KCNMB3: variants seen among roughly 807,000 people sequenced by gnomAD.
KCNMB3 encodes the protein calcium-activated potassium channel subunit beta-3.
Under a neutral mutation model 11.9 loss-of-function variants are expected in KCNMB3, and 18 were observed. The ratio of observed to expected loss-of-function variants is 1.51; its 90% CI spans 1.04 to 2.23. The LOEUF (loss-of-function observed/expected upper bound fraction) is 2.23, where lower values mean the gene tolerates loss of function less well. Ranked by LOEUF, KCNMB3 falls within the 30% of genes most tolerant of loss-of-function variation. The pLI, the probability that KCNMB3 is intolerant of heterozygous loss-of-function variation, is 0.00. For missense variants in KCNMB3, 247 were observed against 329.4 expected (o/e 0.75, Z 1.94); for synonymous variants, 78 against 119.2 (o/e 0.65, Z 2.25).
Position 179,259,048 on chromosome 3 carries a change from T to C in KCNMB3, c.62+7601A>G, listed in dbSNP as rs1408197061. 3.3e-5 allele frequency: 53 copies of C among 1,612,708 alleles called. 1 individual carries two copies. Among genetic ancestry groups the C allele is most frequent in the Non-Finnish European group, 2.5e-6 (3 of 1,179,506 alleles). On this transcript the variant is annotated intron_variant, in intron 1 of 3. Coordinates refer to the KCNMB3 transcript ENST00000349697. The stretch of plus-strand genomic sequence containing the variant: ...GACATGGTACGGTCTTCTTTGCTTT[T>C]GCCCTTCTCGTTCCCTCCTCTGGTA...
chr3:179,259,929 TC>T (rs1350401082), intron 1 of KCNMB3: 7 of 1,613,228 alleles, frequency 4.3e-6, no homozygotes, highest in Non-Finnish European at 5.9e-6. Flanking sequence ...TAATCCTTTT[TC>T]TTCACCCTCT....
chr3:179,258,868 A>G (rs1383236388), intron 1 of KCNMB3: 2 of 1,560,280 alleles, frequency 1.3e-6, no homozygotes, highest in African/African-American at 2.7e-5. Context: ...TCTACAAGTA[A>G]CAGTCTATAA....
rs1725584423 is a variant in KCNMB3 at position 179,244,856 on chromosome 3, C to T, written c.249-163G>A. Among the ~76,000 whole-genome samples the T allele has an allele frequency of 3.3e-5, 5 of 152,130 alleles. No homozygotes were observed. The South Asian group carries it at 1.0e-3, about 32-fold the overall frequency. ...ATCCTTACAGCAGGCACATAATAAACAGGGAGCATGGAAGACACAGAGTTG... is the reference window on the plus strand; with the variant it reads ...ATCCTTACAGCAGGCACATAATAAATAGGGAGCATGGAAGACACAGAGTTG... On this transcript the variant is annotated intron_variant, in intron 1 of 2. Coordinates refer to ENST00000392685, the MANE Select transcript of KCNMB3 (RefSeq NM_171830.2).
intron 1 of KCNMB3, chr3:179,260,032 T>A (rs1726151960): frequency 1.2e-6 from 2 of 1,612,300 alleles, no homozygotes; most frequent in Non-Finnish European, 1.7e-6. Context: ...TTCTCTAAAC[T>A]ATGCCCTATG....
At chr3:179,251,571 T>C, upstream of KCNMB3, 1 of 1,298,272 alleles carries the variant, frequency 7.7e-7, no homozygotes, top group Non-Finnish European at 9.7e-7. Flanking sequence ...CCACTGTGCC[T>C]GCAAACCTGC....
At chr3:179,251,136 T>C, upstream of KCNMB3, 6 of 1,614,114 alleles carry the variant, frequency 3.7e-6, no homozygotes, top group African/African-American at 1.3e-5. Context: ...TAATCAAGTA[T>C]TTTTAAAGAT....
chr3:179,243,379 A>G (rs1725528360), intron 2 of KCNMB3, 95 bp from the exon 3 acceptor site: 1 of 1,157,494 alleles, frequency 8.6e-7, no homozygotes, highest in South Asian at 1.4e-5. Context: ...GGCTGAAGTT[A>G]TTAGTGGGCA....
chr3:179,257,142 G>A (rs775421088), intron 1 of KCNMB3, among the ~76,000 whole-genome samples: 5 of 152,168 alleles, frequency 3.3e-5, no homozygotes, highest in Non-Finnish European at 4.4e-5. Flanking sequence ...CAGCCTCAGT[G>A]ATAGGTGAGA....
chr3:179,260,241 G>C (rs1338092709), intron 1 of KCNMB3: 2 of 1,613,900 alleles, frequency 1.2e-6, no homozygotes, highest in African/African-American at 1.3e-5. Flanking sequence ...GGGAGTTCTG[G>C]TCCTGTCATC....
chr3:179,264,596 G>A (rs1004765540), intron 1 of KCNMB3, among the ~76,000 whole-genome samples: 3 of 152,150 alleles, frequency 2.0e-5, no homozygotes, highest in Non-Finnish European at 4.4e-5. Context: ...ACGACACATG[G>A]CTACAGGCAG....
intron 1 of KCNMB3, chr3:179,260,578 G>A: frequency 6.5e-7 from 1 of 1,542,224 alleles, no homozygotes; most frequent in South Asian, 1.2e-5. Flanking sequence ...CTGTCGACTT[G>A]AGGGCATTTA....
chr3:179,255,768 T>C (rs1010462833), upstream of KCNMB3, among the ~76,000 whole-genome samples: 1 of 152,190 alleles, frequency 6.6e-6, no homozygotes, highest in Non-Finnish European at 1.5e-5. Context: ...ATCACAGATA[T>C]ATTGCACAGC....
At chr3:179,251,704 C>A, upstream of KCNMB3, 1 of 1,173,414 alleles carries the variant, frequency 8.5e-7, no homozygotes. Flanking sequence ...TTTGTTTGGC[C>A]TTCTCTGTCG....
chr3:179,262,645 C>T (rs187544987), intron 1 of KCNMB3, among the ~76,000 whole-genome samples: 94 of 152,286 alleles, frequency 6.2e-4, no homozygotes, highest in Non-Finnish European at 1.1e-3. Flanking sequence ...GTCCATTTTA[C>T]AGAGAGCCGA....
chr3:179,261,073 G>C (rs1560161428), intron 1 of KCNMB3: 4 of 1,098,998 alleles, frequency 3.6e-6, no homozygotes, highest in Admixed American at 1.8e-5. Flanking sequence ...GGCCCAGCAT[G>C]TTACGAGACC....
At chr3:179,257,376 A>AAATAATTT (rs1726044887) in intron 1 of KCNMB3, among the ~76,000 whole-genome samples, 1 of 152,236 alleles carries the variant, frequency 6.6e-6, no homozygotes, top group Admixed American at 6.5e-5. Flanking sequence ...ATATGAATCT[A>AAATAATTT]CATAATTTCA....
upstream of KCNMB3, among the ~76,000 whole-genome samples, chr3:179,255,207 A>G (rs913273274): frequency 6.6e-6 from 1 of 151,820 alleles, no homozygotes; most frequent in African/African-American, 2.4e-5. Flanking sequence ...AAATAAAATA[A>G]AAGTCATAAA....
chr3:179,246,273 A>G (rs1576955688), intron 1 of KCNMB3, among the ~76,000 whole-genome samples: 1 of 152,144 alleles, frequency 6.6e-6, no homozygotes, highest in East Asian at 1.9e-4. Flanking sequence ...TTAGCTGGGC[A>G]TGGTGGCCGG....
upstream of KCNMB3, among the ~76,000 whole-genome samples, chr3:179,254,415 G>C (rs940257821): frequency 5.9e-5 from 9 of 152,204 alleles, no homozygotes; most frequent in African/African-American, 2.2e-4. Flanking sequence ...CTCAAGCTAA[G>C]AATTTCGTGT....
Sources: gnomAD v4.1 joint callset for allele counts (sites outside exome capture counted in the v4.1 genomes callset) on GRCh38, gnomAD v4.1.1 for gene constraint, MANE v1.5 for transcripts, NCBI Gene and HGNC (gene_info 2026-07-23, HGNC 2026-07-21) for gene names.